The following GRIA1 variants were observed in gnomAD, a reference collection of about 807,000 sequenced individuals.
GRIA1 encodes glutamate receptor 1.
A neutral mutation model predicts 99.2 loss-of-function variants in GRIA1; 31 were observed. The observed-to-expected ratio is 0.31, with a 90% CI of 0.23 to 0.42. The LOEUF (loss-of-function observed/expected upper bound fraction) is 0.42. GRIA1 is among the 10% of genes least tolerant of loss of function. The pLI is 1.00. For missense variants in GRIA1, 782 were observed against 1,157.5 expected (o/e 0.68, Z 4.71); for synonymous variants, 438 against 432.4 (o/e 1.01, Z -0.16).
At chr5:153,726,574 A>G (rs1484094790) in intron 11 of GRIA1, among the ~76,000 whole-genome samples, 1 of 152,200 alleles carries the variant, frequency 6.6e-6, no homozygotes, top group Non-Finnish European at 1.5e-5. Flanking sequence ...CACCAATCCC[A>G]CAGAAATACA....
At chr5:153,649,828 T>C (rs1195398407) in intron 3 of GRIA1, among the ~76,000 whole-genome samples, 1 of 152,168 alleles carries the variant, frequency 6.6e-6, no homozygotes, top group African/African-American at 2.4e-5. Flanking sequence ...GATACTATAT[T>C]GAACATTCAC....
At chr5:153,706,169 T>C (rs1178877326) in intron 11 of GRIA1, 102 bp downstream of exon 11, 2 of 1,125,666 alleles carry the variant, frequency 1.8e-6, no homozygotes, top group Admixed American at 3.8e-5. Context: ...ATGAATTATT[T>C]CAGACCACTG....
chr5:153,677,216 A>T, intron 7 of GRIA1, 55 bp downstream of exon 7: 3 of 1,309,944 alleles, frequency 2.3e-6, no homozygotes, highest in Non-Finnish European at 3.0e-6. Context: ...GGATTTCAGC[A>T]TCAAATTCCA....
chr5:153,720,788 G>C (rs1004788710), intron 11 of GRIA1, among the ~76,000 whole-genome samples: 3 of 152,162 alleles, frequency 2.0e-5, no homozygotes, highest in African/African-American at 7.2e-5. Context: ...ATTCTACAAA[G>C]GAAGGTGTTT....
intron 13 of GRIA1, among the ~76,000 whole-genome samples, chr5:153,780,772 C>T (rs1764578554): frequency 6.6e-6 from 1 of 152,124 alleles, no homozygotes; most frequent in African/African-American, 2.4e-5. Flanking sequence ...GTTCTCCTTC[C>T]CTTTCGGCCC....
chr5:153,499,633 A>AC lies in GRIA1; in HGVS notation c.220+5568_220+5569insC, dbSNP rs1411320045. 2.5e-3 allele frequency among the ~76,000 whole-genome samples: 361 copies of AC among 146,338 alleles called. 5 individuals are homozygous for AC. Among genetic ancestry groups the AC allele is most frequent in the East Asian group, 0.01 (48 of 4,628 alleles). ...TGTCTCAAAAAAAAAAAAAAAAAAA[A>AC]AAAAAAACTATGAATATATGGACAG... On this transcript the variant is annotated intron_variant, in intron 2 of 15. Transcript: ENST00000285900.
intron 6 of GRIA1, among the ~76,000 whole-genome samples, chr5:153,675,636 A>C (rs1209377275): frequency 1.3e-5 from 2 of 152,176 alleles, no homozygotes. Flanking sequence ...TCTTTTTATA[A>C]ATGGCAAACC....
At chr5:153,581,467 T>A (rs72802633) in intron 2 of GRIA1, among the ~76,000 whole-genome samples, 7,648 of 152,202 alleles carry the variant, frequency 0.05, 268 homozygotes, top group Non-Finnish European at 0.076. Context: ...ATATGCCAAG[T>A]TTTCTCCTAC....
At chr5:153,693,362 A>G (rs1027456721) in intron 8 of GRIA1, among the ~76,000 whole-genome samples, 2 of 152,198 alleles carry the variant, frequency 1.3e-5, no homozygotes, top group Admixed American at 6.5e-5. Context: ...ACATCTCTAC[A>G]CCATGGAAGG....
At chr5:153,607,467 G>T (rs1394039952) in intron 2 of GRIA1, among the ~76,000 whole-genome samples, 5 of 151,348 alleles carry the variant, frequency 3.3e-5, no homozygotes, top group Non-Finnish European at 5.9e-5. Context: ...ATATGCATTT[G>T]TAAAGCCTTG....
chr5:153,571,261 A>G (rs571473780), intron 2 of GRIA1, among the ~76,000 whole-genome samples: 8 of 152,268 alleles, frequency 5.3e-5, no homozygotes, highest in African/African-American at 1.9e-4. Context: ...GTCACTAATT[A>G]CACAGTACAT....
At chr5:153,514,156 C>T (rs568661037) in intron 2 of GRIA1, among the ~76,000 whole-genome samples, 153 of 152,260 alleles carry the variant, frequency 1.0e-3, no homozygotes, top group African/African-American at 3.5e-3. Context: ...TAAAACTGTG[C>T]CTTTCTGCAA....
chr5:153,759,335 G>T (rs1265837759), intron 11 of GRIA1, among the ~76,000 whole-genome samples: 1 of 149,716 alleles, frequency 6.7e-6, no homozygotes, highest in Non-Finnish European at 1.5e-5. Flanking sequence ...GAAAATAAGA[G>T]AAATGACTCA....
chr5:153,546,491 T>G (rs1445043359), intron 2 of GRIA1, among the ~76,000 whole-genome samples: 3 of 152,202 alleles, frequency 2.0e-5, no homozygotes, highest in Non-Finnish European at 4.4e-5. Flanking sequence ...TTATGCTTAT[T>G]ATAATGTAAT....
intron 2 of GRIA1, among the ~76,000 whole-genome samples, chr5:153,638,568 T>G (rs898745577): frequency 1.3e-5 from 2 of 152,218 alleles, no homozygotes; most frequent in Non-Finnish European, 2.9e-5. Flanking sequence ...AATCTTGAAC[T>G]GTGTAAACAG....
At chr5:153,747,524 G>A (rs1762239003) in intron 11 of GRIA1, among the ~76,000 whole-genome samples, 1 of 152,226 alleles carries the variant, frequency 6.6e-6, no homozygotes, top group Non-Finnish European at 1.5e-5. Context: ...TTAGATAAAT[G>A]TCAAGTGTCT....
intron 8 of GRIA1, among the ~76,000 whole-genome samples, chr5:153,697,411 G>A (rs1758192509): frequency 6.6e-6 from 1 of 152,038 alleles, no homozygotes; most frequent in Non-Finnish European, 1.5e-5. Context: ...AAAGACCTTG[G>A]AAAATGAATT....
At chr5:153,768,775 T>C (rs1371054252) in intron 12 of GRIA1, among the ~76,000 whole-genome samples, 2 of 152,200 alleles carry the variant, frequency 1.3e-5, no homozygotes, top group East Asian at 1.9e-4. Context: ...GAAATCTATA[T>C]ATTAACAACT....
chr5:153,749,347 A>G (rs1417354519), intron 11 of GRIA1, among the ~76,000 whole-genome samples: 1 of 152,158 alleles, frequency 6.6e-6, no homozygotes, highest in East Asian at 1.9e-4. Flanking sequence ...TTGTGTTGCT[A>G]TAAAGGCTTA....
Sources: gnomAD v4.1 joint callset for allele counts (sites outside exome capture counted in the v4.1 genomes callset) on GRCh38, gnomAD v4.1.1 for gene constraint, MANE v1.5 for transcripts, NCBI Gene and HGNC (gene_info 2026-07-23, HGNC 2026-07-21) for gene names.